The following GHR variants were observed in gnomAD, a reference collection of about 807,000 sequenced individuals.
GHR encodes GH receptor.
In GHR, 35 loss-of-function variants were observed where a neutral mutation model predicts 67.1. The ratio of observed to expected loss-of-function variants is 0.52; its 90% CI spans 0.40 to 0.69. The LOEUF (loss-of-function observed/expected upper bound fraction) is 0.69, where lower values mean the gene tolerates loss of function less well. Ranked by LOEUF, GHR falls within the 30% of genes least tolerant of loss-of-function variation. The pLI is 0.00. For missense variants in GHR, 792 were observed against 764.6 expected, an observed-to-expected ratio of 1.04 and a Z score of -0.42; for synonymous variants, 272 against 269.1, an observed-to-expected ratio of 1.01 and a Z score of -0.10.
At position 42,719,040 on chromosome 5, in the gene GHR, G is replaced by T; in HGVS notation, c.1533G>T (p.Met511Ile). Residue 511 changes from methionine to isoleucine, a missense_variant, in exon 10 of 10, where the codon ATG (methionine) becomes ATT (isoleucine). By Grantham distance (10) the Met-to-Ile change is conservative. Coordinates refer to ENST00000230882, the MANE Select transcript of GHR (RefSeq NM_000163.5). Reference sequence around the variant, plus strand: ...CGGGCCAAAAGAATAAGGCAGGGATGTCCCAATGTGACATGCACCCGGAAA... The same window carrying T: ...CGGGCCAAAAGAATAAGGCAGGGATTTCCCAATGTGACATGCACCCGGAAA... ...LSPGQKNKAG[M>I]SQCDMHPEMV... 1 of 1,608,744 alleles carries T rather than the reference G, an allele frequency of 6.2e-7. No individual in the cohort carries two copies.
chr5:42,695,395 G>A (rs963524281), intron 5 of GHR, among the ~76,000 whole-genome samples: 2 of 152,172 alleles, frequency 1.3e-5, no homozygotes, highest in Non-Finnish European at 2.9e-5. Flanking sequence ...CCACTGCAAA[G>A]GGTGAACTTA....
At chr5:42,444,580 A>G (rs1743727533) in intron 1 of GHR, among the ~76,000 whole-genome samples, 1 of 152,094 alleles carries the variant, frequency 6.6e-6, no homozygotes, top group Admixed American at 6.5e-5. Flanking sequence ...TTGCCTGGGG[A>G]CTGATTTTCA....
At position 42,518,376 on chromosome 5, in the gene GHR, CAG is replaced by C. The variant is rs931435963; in HGVS notation, c.-11-47485_-11-47484del. ...GTAGGGAAAACATATGCTTAGGAAACAGAGCCTTCTTTTCTCCTTTTGGTATG... is the reference window on the plus strand; with the variant it reads ...GTAGGGAAAACATATGCTTAGGAAACAGCCTTCTTTTCTCCTTTTGGTATG... On this transcript the variant is annotated intron_variant, in intron 1 of 9. Transcript: ENST00000230882. Among the ~76,000 whole-genome samples, 6 of 152,136 alleles carry C rather than the reference CAG, an allele frequency of 3.9e-5. No individual in the cohort carries two copies. The East Asian group carries it at 9.7e-4, about 25-fold the overall frequency.
At chr5:42,434,263 T>C (rs2111915424) in intron 1 of GHR, among the ~76,000 whole-genome samples, 1 of 152,238 alleles carries the variant, frequency 6.6e-6, no homozygotes, top group South Asian at 2.1e-4. Flanking sequence ...TGAGATCATC[T>C]ACCAGTGGCT....
intron 1 of GHR, among the ~76,000 whole-genome samples, chr5:42,456,731 C>T (rs560872745): frequency 2.6e-4 from 40 of 152,298 alleles, no homozygotes; most frequent in African/African-American, 8.4e-4. Flanking sequence ...TTGCTTATTT[C>T]CACATCCAGA....
At chr5:42,641,312 T>C (rs558068739) in intron 3 of GHR, among the ~76,000 whole-genome samples, 1 of 152,276 alleles carries the variant, frequency 6.6e-6, no homozygotes, top group African/African-American at 2.4e-5. Context: ...GAGTCATTTG[T>C]CAATAAATAC....
intron 2 of GHR, among the ~76,000 whole-genome samples, chr5:42,579,438 C>G (rs1304627129): frequency 6.6e-6 from 1 of 152,128 alleles, no homozygotes; most frequent in Non-Finnish European, 1.5e-5. Context: ...ATTCCATGTT[C>G]CAGGGAGTAC....
chr5:42,570,835 G>A (rs994767778), intron 2 of GHR, among the ~76,000 whole-genome samples: 1 of 152,116 alleles, frequency 6.6e-6, no homozygotes, highest in Non-Finnish European at 1.5e-5. Flanking sequence ...TTTTTACTTT[G>A]TCAGTAATAC....
chr5:42,581,226 C>A (rs1049452497), intron 2 of GHR, among the ~76,000 whole-genome samples: 6 of 152,188 alleles, frequency 3.9e-5, no homozygotes, highest in Non-Finnish European at 7.3e-5. Context: ...AAACTCCAGT[C>A]AAAAGTCATG....
At chr5:42,475,225 G>A (rs7728337) in intron 1 of GHR, among the ~76,000 whole-genome samples, 27,962 of 152,010 alleles carry the variant, frequency 0.18, 2,843 homozygotes, top group Middle Eastern at 0.27. Context: ...AAGTCTTTCT[G>A]TGGGTTAAAG....
intron 6 of GHR, 134 bp from the exon 7 acceptor site, chr5:42,711,073 C>T: frequency 1.4e-6 from 1 of 724,208 alleles, no homozygotes; most frequent in Non-Finnish European, 2.5e-6. Flanking sequence ...ATAACAAATG[C>T]TCACAATGCA....
intron 3 of GHR, among the ~76,000 whole-genome samples, chr5:42,650,567 T>C (rs1754964334): frequency 9.0e-6 from 1 of 111,728 alleles, no homozygotes; most frequent in Non-Finnish European, 1.8e-5. Flanking sequence ...TGTACTCACT[T>C]TTACAGATAA....
At position 42,669,055 on chromosome 5, in the gene GHR, A is replaced by G. The variant is rs184720295; in HGVS notation, c.137-19835A>G. Among the ~76,000 whole-genome samples the G allele has an allele frequency of 1.0e-3, 154 of 152,272 alleles. 1 individual carries two copies. The highest frequency in any genetic ancestry group is 3.7e-3 in the African/African-American group (152 of 41,562). ...GAGCAAAAATCATTAAGAAACAGTG[A>G]CTGAGATGATTCTCATTCTCAGGAA... On this transcript the variant is annotated intron_variant, in intron 3 of 9. Coordinates refer to ENST00000230882, the MANE Select transcript of GHR (RefSeq NM_000163.5).
intron 1 of GHR, among the ~76,000 whole-genome samples, chr5:42,462,327 A>G (rs1430820259): frequency 1.3e-5 from 2 of 152,160 alleles, no homozygotes; most frequent in African/African-American, 2.4e-5. Context: ...ATTTTTCAGC[A>G]TGGCCATAGG....
intron 2 of GHR, among the ~76,000 whole-genome samples, chr5:42,586,728 C>T (rs1164158674): frequency 2.6e-5 from 4 of 152,174 alleles, no homozygotes; most frequent in African/African-American, 9.7e-5. Flanking sequence ...TCTTCCCCCA[C>T]CCTCACCAAG....
At position 42,658,512 on chromosome 5, in the gene GHR, AC is replaced by A. The variant is rs367710368; in HGVS notation, c.136+29410del. Among the ~76,000 whole-genome samples the A allele has an allele frequency of 6.6e-5, 10 of 152,316 alleles. No homozygotes were observed. The East Asian group carries it at 1.9e-3, about 29-fold the overall frequency. ...GCTCAATCAATCATGGTTAAAAAGA[AC>A]TTTTATCCATTGTTATTTTTGCTTA... On this transcript the variant is annotated intron_variant, in intron 3 of 9. Transcript: ENST00000230882.
chr5:42,524,610 G>A (rs1204079320), intron 1 of GHR, among the ~76,000 whole-genome samples: 5 of 152,162 alleles, frequency 3.3e-5, no homozygotes, highest in Non-Finnish European at 7.3e-5. Flanking sequence ...TGCATGAGTA[G>A]CAAGGAGCCT....
In GHR at chr5:42,551,033, C is replaced by T. The variant is rs557466131; in HGVS notation, c.-11-14831C>T. 7.9e-5 allele frequency among the ~76,000 whole-genome samples: 12 copies of T among 152,286 alleles called. No individual in the cohort carries two copies. In the South Asian group the frequency reaches 2.5e-3, roughly 32 times the overall value. On this transcript the variant is annotated intron_variant, in intron 1 of 9. Coordinates refer to ENST00000230882, the MANE Select transcript of GHR (RefSeq NM_000163.5). ...TGTTCCTGAGGTGGAAAGAGAACCTCTAGTGCCTCTGGCTGACATTATATC... is the reference window on the plus strand; with the variant it reads ...TGTTCCTGAGGTGGAAAGAGAACCTTTAGTGCCTCTGGCTGACATTATATC...
chr5:42,517,574 A>G (rs752553184), intron 1 of GHR, among the ~76,000 whole-genome samples: 17 of 152,204 alleles, frequency 1.1e-4, no homozygotes, highest in Non-Finnish European at 1.6e-4. Context: ...TTTTATGGTC[A>G]GGACCTGTTT....
Sources: gnomAD v4.1 joint callset for allele counts (sites outside exome capture counted in the v4.1 genomes callset) on GRCh38, gnomAD v4.1.1 for gene constraint, MANE v1.5 for transcripts, NCBI Gene and HGNC (gene_info 2026-07-23, HGNC 2026-07-21) for gene names.